The following CAPN11 variants were observed in gnomAD, a reference collection of about 807,000 sequenced individuals.
CAPN11 encodes the protein calpain 11.
A neutral mutation model predicts 105.3 loss-of-function variants in CAPN11; 108 were observed. The observed-to-expected ratio is 1.03, with a 90% CI of 0.88 to 1.20. CAPN11 has a LOEUF of 1.20. Ranked by LOEUF, CAPN11 falls within the 50% of genes most tolerant of loss-of-function variation. CAPN11 has a pLI of 0.00. For missense variants in CAPN11, 883 were observed against 924.8 expected, an observed-to-expected ratio of 0.95 and a Z score of 0.59; for synonymous variants, 329 against 344.5, an observed-to-expected ratio of 0.96 and a Z score of 0.50.
At chr6:44,164,000 GTTAATTTTTT>G (rs1769369694) in intron 1 of CAPN11, among the ~76,000 whole-genome samples, 1 of 152,084 alleles carries the variant, frequency 6.6e-6, no homozygotes, top group South Asian at 2.1e-4. Context: ...ACCATGCCCA[GTTAATTTTTT>G]TTAATTTTTA....
intron 13 of CAPN11, 160 bp from the exon 14 acceptor site, chr6:44,179,791 AG>A (rs1488919719): frequency 2.2e-6 from 2 of 930,132 alleles, no homozygotes. Context: ...GGAAAGGAAG[AG>A]ACCCTGTTGG....
rs773829019 is a variant in CAPN11, at chr6:44,183,201, C to T, written c.2100C>T (p.Phe700=). The T allele has an allele frequency of 6.2e-7, 1 of 1,612,078 alleles. No homozygotes were observed. Among genetic ancestry groups the T allele is most frequent in the East Asian group, 2.2e-5 (1 of 44,878 alleles). The change falls in exon 21 of 23, where the codon TTC becomes TTT. Residue 700 remains phenylalanine, a synonymous_variant. Coordinates refer to ENST00000398776, the MANE Select transcript of CAPN11 (RefSeq NM_007058.4). Reference sequence around the variant, plus strand: ...ACCTGATCATAGACTTTGACAGCTTCATCAGCTGTTTCCTGAGGCTAAAGA... The same window carrying T: ...ACCTGATCATAGACTTTGACAGCTTTATCAGCTGTTTCCTGAGGCTAAAGA... ...DDDLIIDFDS[F]ISCFLRLKTM...
chr6:44,173,265 G>GGAAGT lies in CAPN11; in HGVS notation c.710_711insGAAGT (p.Leu238LysfsTer52). 1.2e-6 allele frequency: 2 copies of GGAAGT among 1,613,964 alleles called. No homozygotes were observed. The highest frequency in any genetic ancestry group is 8.5e-7 in the Non-Finnish European group (1 of 1,179,880). ...TTGTCAGGGGGCAGTACCATGGAGG[G>GGAAGT]CCTTGAGGACTTCACAGGAGGCGTG... is the stretch of plus-strand genomic sequence containing the variant. On this transcript the variant is annotated frameshift_variant, in exon 7 of 23. Coordinates refer to ENST00000398776, the MANE Select transcript of CAPN11 (RefSeq NM_007058.4). LOFTEE classifies it high-confidence loss of function.
At chr6:44,166,664 A>C in intron 1 of CAPN11, 94 bp from the exon 2 acceptor site, 1 of 928,780 alleles carries the variant, frequency 1.1e-6, no homozygotes, top group Non-Finnish European at 1.7e-6. Flanking sequence ...TCTTTTCCTC[A>C]TTCTAAAATC....
intron 1 of CAPN11, among the ~76,000 whole-genome samples, chr6:44,159,185 C>T (rs140061308): frequency 2.9e-3 from 444 of 152,194 alleles, no homozygotes; most frequent in Non-Finnish European, 3.3e-3. Context: ...GGAGAGGGGC[C>T]GGCCATCCCA....
intron 4 of CAPN11, among the ~76,000 whole-genome samples, chr6:44,170,525 G>A (rs79591732): frequency 0.012 from 1,781 of 152,258 alleles, 15 homozygotes; most frequent in Middle Eastern, 0.031. Context: ...GAGTGTCCAC[G>A]CAACGTGGTA....
chr6:44,177,058 C>A lies in CAPN11; in HGVS notation c.1237+60C>A, dbSNP rs1483282506. On this transcript the variant is annotated intron_variant, in intron 11 of 22. Coordinates refer to ENST00000398776, the MANE Select transcript of CAPN11 (RefSeq NM_007058.4). ...GGAGTGAAGGATGGGCCACGGCTCA[C>A]CACGAAACCAGACCTGGGGCACGAG... The A allele has an allele frequency of 1.0e-5, 16 of 1,571,848 alleles. No homozygotes were observed. In the East Asian group the frequency reaches 3.6e-4, roughly 35 times the overall value.
intron 7 of CAPN11, among the ~76,000 whole-genome samples, chr6:44,174,372 T>C (rs1408165463): frequency 6.6e-6 from 1 of 152,060 alleles, no homozygotes; most frequent in Non-Finnish European, 1.5e-5. Context: ...AGGGGAATTA[T>C]GCTGAATGAA....
chr6:44,182,264 A>ACACACATACACACT (rs1554132491), intron 19 of CAPN11, among the ~76,000 whole-genome samples: 2 of 75,152 alleles, frequency 2.7e-5, no homozygotes, highest in East Asian at 2.9e-4. Context: ...ACACACACAC[A>ACACACATACACACT]CACATACAGA....
intron 20 of CAPN11, 29 bp from the exon 21 acceptor site, chr6:44,183,090 C>A: frequency 1.9e-6 from 3 of 1,598,420 alleles, no homozygotes; most frequent in Non-Finnish European, 2.6e-6. Context: ...CAGACTTTTC[C>A]CCTCCCCACT....
intron 7 of CAPN11, among the ~76,000 whole-genome samples, 157 bp downstream of exon 7, chr6:44,173,543 C>T (rs1043499344): frequency 3.5e-4 from 53 of 151,080 alleles, no homozygotes; most frequent in Admixed American, 1.5e-3. Context: ...CTAAAGTCGC[C>T]GTCCCCACCC....
intron 12 of CAPN11, 77 bp downstream of exon 12, chr6:44,177,497 T>TTTC (rs1403835196): frequency 2.9e-6 from 4 of 1,358,176 alleles, no homozygotes; most frequent in Non-Finnish European, 4.0e-6. Flanking sequence ...TCTTTCTTTT[T>TTTC]TTTTTTTCGA....
intron 2 of CAPN11, among the ~76,000 whole-genome samples, chr6:44,167,228 G>A (rs1770071566): frequency 6.6e-6 from 1 of 152,110 alleles, no homozygotes; most frequent in Non-Finnish European, 1.5e-5. Flanking sequence ...GCCGGGCGTG[G>A]TGGCTCATGA....
In CAPN11 at chr6:44,183,716, A is replaced by G. The variant is rs774655276; in HGVS notation, c.2146A>G (p.Thr716Ala). Residue 716 changes from threonine (T) to alanine (A), a missense_variant, in exon 22 of 23, where the codon ACC becomes GCC. Coordinates refer to ENST00000398776, the MANE Select transcript of CAPN11 (RefSeq NM_007058.4). The part of the protein sequence containing the change: ...RLKTMFTFFL[T>A]MDPKNTGHIC... ...CCTCTGTAACGCAGCATTCTTTCTA[A>G]CCATGGACCCCAAGAATACTGGCCA... The G allele has an allele frequency of 1.2e-6, 2 of 1,613,776 alleles. No individual in the cohort carries two copies. The highest frequency in any genetic ancestry group is 1.7e-6 in the Non-Finnish European group (2 of 1,179,814).
At chr6:44,179,523 CACAG>C in intron 12 of CAPN11, 92 bp from the exon 13 acceptor site, 1 of 1,113,650 alleles carries the variant, frequency 9.0e-7, no homozygotes, top group Non-Finnish European at 1.4e-6. Flanking sequence ...AACACACACA[CACAG>C]ACACACACTA....
intron 1 of CAPN11, among the ~76,000 whole-genome samples, chr6:44,165,887 G>A (rs926177471): frequency 1.3e-5 from 2 of 152,156 alleles, no homozygotes; most frequent in Non-Finnish European, 2.9e-5. Flanking sequence ...TGTGGTCGGG[G>A]GAGCATATGT....
At chr6:44,172,160 G>A (rs1297013059) in intron 4 of CAPN11, 142 bp from the exon 5 acceptor site, 4 of 565,254 alleles carry the variant, frequency 7.1e-6, no homozygotes, top group African/African-American at 1.9e-5. Flanking sequence ...TTAGTGGGAG[G>A]GCTGAGGGAG....
At position 44,158,834 on chromosome 6, in the gene CAPN11, G is replaced by A. The variant is rs1488711113; in HGVS notation, c.-15G>A. On this transcript the variant is annotated 5_prime_UTR_variant, in exon 1 of 23. Coordinates refer to ENST00000398776, the MANE Select transcript of CAPN11 (RefSeq NM_007058.4). ...CCAGAACCTTCAACTGTCAAGCACC[G>A]AGCTAGCCACCAGCATGCTGTACTC... is the stretch of plus-strand genomic sequence containing the variant. 1.4e-5 allele frequency: 21 copies of A among 1,551,110 alleles called. No homozygotes were observed. Among genetic ancestry groups the A allele is most frequent in the South Asian group, 7.1e-5 (6 of 84,028 alleles).
At position 44,177,399 on chromosome 6, in the gene CAPN11, C is replaced by A. The variant is rs757005621; in HGVS notation, c.1395C>A (p.Thr465=). 6.2e-7 allele frequency: 1 copy of A among 1,613,380 alleles called. No individual in the cohort carries two copies. The highest frequency in any genetic ancestry group is 1.1e-5 in the South Asian group (1 of 91,044). Residue 465 remains threonine (T), a synonymous_variant, in exon 12 of 23, where the codon ACC becomes ACA. Transcript: ENST00000398776. ...GGCAGCAGGGAGCCCAGCTGCAGAC[C>A]ATTGGCTTTGTCCTCTACGCGGTGG... ...HARQQGAQLQ[T]IGFVLYAVPK...
Sources: gnomAD v4.1 joint callset for allele counts (sites outside exome capture counted in the v4.1 genomes callset) on GRCh38, gnomAD v4.1.1 for gene constraint, MANE v1.5 for transcripts, NCBI Gene and HGNC (gene_info 2026-07-23, HGNC 2026-07-21) for gene names.